Variants in CNTNAP2 observed in about 807,000 individuals in gnomAD.
CNTNAP2 encodes the protein contactin-associated protein-like 2.
CNTNAP2 carries 98 observed loss-of-function variants against 155.2 expected under a neutral mutation model. The observed-to-expected ratio is 0.63, with a 90% CI of 0.54 to 0.75. CNTNAP2 has a LOEUF of 0.75. Among genes scored for constraint, CNTNAP2 ranks in the 30% least tolerant of loss-of-function variants. CNTNAP2 has a pLI of 0.00. For synonymous variants in CNTNAP2, 651 were observed against 631.2 expected, an observed-to-expected ratio of 1.03 and a Z score of -0.47; for missense variants, 1,727 against 1,688.1, an observed-to-expected ratio of 1.02 and a Z score of -0.40.
At chr7:146,356,254 T>G (rs1481399434) in intron 1 of CNTNAP2, among the ~76,000 whole-genome samples, 8 of 152,154 alleles carry the variant, frequency 5.3e-5, no homozygotes, top group Non-Finnish European at 1.5e-5. Flanking sequence ...TGTTTATAAT[T>G]CTAACAATCT....
intron 9 of CNTNAP2, among the ~76,000 whole-genome samples, chr7:147,362,126 A>G (rs918650258): frequency 3.3e-5 from 5 of 152,144 alleles, no homozygotes; most frequent in African/African-American, 1.2e-4. Flanking sequence ...TCAGTAAAGG[A>G]GTAAGCTTTG....
At chr7:147,750,148 A>G (rs528913074) in intron 13 of CNTNAP2, among the ~76,000 whole-genome samples, 1 of 152,330 alleles carries the variant, frequency 6.6e-6, no homozygotes, top group African/African-American at 2.4e-5. Context: ...CCCTTGCACA[A>G]ATATCTTGTC....
chr7:147,482,221 G>A (rs749658015), intron 10 of CNTNAP2, among the ~76,000 whole-genome samples: 1 of 152,032 alleles, frequency 6.6e-6, no homozygotes, highest in Non-Finnish European at 1.5e-5. Context: ...TAGTTCTGTG[G>A]AAATACAGAA....
intron 1 of CNTNAP2, among the ~76,000 whole-genome samples, chr7:146,201,048 G>C (rs902734147): frequency 6.6e-6 from 1 of 152,122 alleles, no homozygotes; most frequent in Non-Finnish European, 1.5e-5. Context: ...TTTCTCACGA[G>C]TGGTCATCAG....
intron 13 of CNTNAP2, among the ~76,000 whole-genome samples, chr7:147,693,658 G>A (rs1203808074): frequency 1.3e-5 from 2 of 151,834 alleles, no homozygotes; most frequent in East Asian, 3.9e-4. Context: ...ATGGTAAAGT[G>A]ATTGACTCTT....
chr7:148,234,326 C>T (rs2116787105), intron 20 of CNTNAP2, among the ~76,000 whole-genome samples: 1 of 152,266 alleles, frequency 6.6e-6, no homozygotes, highest in African/African-American at 2.4e-5. Flanking sequence ...AAGCAGATAC[C>T]TCTGGCTGGT....
Position 146,457,790 on chromosome 7 carries a change from A to G in CNTNAP2, c.98-316481A>G, listed in dbSNP as rs182887768. On this transcript the variant is annotated intron_variant, in intron 1 of 23. Coordinates refer to ENST00000361727, the MANE Select transcript of CNTNAP2 (RefSeq NM_014141.6). Reference sequence around the variant, plus strand: ...AGTGCTGGGATTACAGGTGTGAACAACTGCGCCTGGCCCAAATAATGTATT... The same window carrying G: ...AGTGCTGGGATTACAGGTGTGAACAGCTGCGCCTGGCCCAAATAATGTATT... Among the ~76,000 whole-genome samples, 132 of 151,926 alleles carry G rather than the reference A, an allele frequency of 8.7e-4. 1 individual carries two copies. Among genetic ancestry groups the G allele is most frequent in the Middle Eastern group, 6.8e-3 (2 of 292 alleles).
intron 3 of CNTNAP2, among the ~76,000 whole-genome samples, chr7:146,903,209 A>G: frequency 6.6e-6 from 1 of 152,144 alleles, no homozygotes; most frequent in South Asian, 2.1e-4. Flanking sequence ...CAAATATCGG[A>G]CCTTGAGGGG....
At chr7:147,141,372 G>T (rs190042817) in intron 8 of CNTNAP2, among the ~76,000 whole-genome samples, 2 of 152,150 alleles carry the variant, frequency 1.3e-5, no homozygotes, top group African/African-American at 4.8e-5. Context: ...ATTTGTTAGG[G>T]TATAGGCGTT....
At chr7:147,342,216 T>G (rs921059606) in intron 9 of CNTNAP2, among the ~76,000 whole-genome samples, 2 of 152,114 alleles carry the variant, frequency 1.3e-5, no homozygotes, top group Non-Finnish European at 2.9e-5. Context: ...TTTCAACATA[T>G]GAATTCAGTT....
At chr7:147,523,345 G>A (rs1299782310) in intron 11 of CNTNAP2, among the ~76,000 whole-genome samples, 2 of 152,124 alleles carry the variant, frequency 1.3e-5, no homozygotes, top group African/African-American at 4.8e-5. Flanking sequence ...GCACAAAACA[G>A]AAGCCACAGT....
chr7:147,284,083 A>G (rs1195315156), intron 8 of CNTNAP2, among the ~76,000 whole-genome samples: 1 of 151,704 alleles, frequency 6.6e-6, no homozygotes, highest in South Asian at 2.1e-4. Flanking sequence ...AGTCATCCAG[A>G]ACGGCAAGTA....
intron 1 of CNTNAP2, among the ~76,000 whole-genome samples, chr7:146,658,670 T>C (rs1800034458): frequency 6.6e-6 from 1 of 152,210 alleles, no homozygotes; most frequent in Admixed American, 6.5e-5. Context: ...TGCAAATTCA[T>C]GAGAAATGTT....
At chr7:146,988,019 A>G (rs1033192584) in intron 3 of CNTNAP2, among the ~76,000 whole-genome samples, 1 of 151,968 alleles carries the variant, frequency 6.6e-6, no homozygotes, top group African/African-American at 2.4e-5. Flanking sequence ...CAAGGCCTCA[A>G]TTTTCTCACG....
chr7:148,269,842 G>A (rs1796742412), intron 21 of CNTNAP2, among the ~76,000 whole-genome samples: 1 of 152,184 alleles, frequency 6.6e-6, no homozygotes, highest in South Asian at 2.1e-4. Flanking sequence ...CCACGGTTCA[G>A]TTGAGAATAC....
intron 1 of CNTNAP2, among the ~76,000 whole-genome samples, chr7:146,138,847 C>T (rs114315413): frequency 0.014 from 2,107 of 151,976 alleles, 42 homozygotes; most frequent in African/African-American, 0.047. Flanking sequence ...GCTTTCTTAA[C>T]CCAACCACAG....
intron 4 of CNTNAP2, among the ~76,000 whole-genome samples, chr7:147,054,994 CAGG>C (rs1349807875): frequency 2.0e-5 from 3 of 152,020 alleles, no homozygotes; most frequent in Non-Finnish European, 4.4e-5. Flanking sequence ...TTTGGCTGGA[CAGG>C]AGGAGTTAAA....
At chr7:147,308,550 C>T (rs887824681) in intron 9 of CNTNAP2, among the ~76,000 whole-genome samples, 5 of 152,130 alleles carry the variant, frequency 3.3e-5, no homozygotes, top group South Asian at 2.1e-4. Context: ...AGGATGACAC[C>T]GGTCTTCCTG....
Position 147,326,647 on chromosome 7 carries a change from C to T in CNTNAP2, c.1498+26357C>T, listed in dbSNP as rs541644559. On this transcript the variant is annotated intron_variant, in intron 9 of 23. Transcript: ENST00000361727. ...ATGACACGATTTTACATCCCACTAG[C>T]AGTGTACAAAGGTTCTGATTGTTCC... is the stretch of plus-strand genomic sequence containing the variant. Among the ~76,000 whole-genome samples, 3 of 152,324 alleles carry T rather than the reference C, an allele frequency of 2.0e-5. No homozygotes were observed. In the South Asian group the frequency reaches 6.2e-4, roughly 32 times the overall value.
Sources: gnomAD v4.1 joint callset for allele counts (sites outside exome capture counted in the v4.1 genomes callset) on GRCh38, gnomAD v4.1.1 for gene constraint, MANE v1.5 for transcripts, NCBI Gene and HGNC (gene_info 2026-07-23, HGNC 2026-07-21) for gene names.